Variants in POMT1 observed in about 807,000 individuals in gnomAD.
The protein encoded by POMT1 is protein O-mannosyl-transferase 1.
Under a neutral mutation model 101.6 loss-of-function variants are expected in POMT1, and 85 were observed. The observed-to-expected ratio is 0.84, with a 90% confidence interval of 0.70 to 1.00. The LOEUF (loss-of-function observed/expected upper bound fraction) is 1.00, where lower values mean the gene tolerates loss of function less well. Ranked by LOEUF, POMT1 falls within the 50% of genes least tolerant of loss-of-function variation. POMT1 has a pLI of 0.00. For missense variants in POMT1, 857 were observed against 930.4 expected, an observed-to-expected ratio of 0.92 and a Z score of 1.03; for synonymous variants, 371 against 383.0, an observed-to-expected ratio of 0.97 and a Z score of 0.37.
intron 10 of POMT1, 130 bp from the exon 11 acceptor site, chr9:131,511,911 A>G (rs1947194328): frequency 3.4e-6 from 3 of 870,424 alleles, no homozygotes; most frequent in African/African-American, 1.6e-5. Flanking sequence ...GGGTCTCACT[A>G]TGTTGCCCAG....
In POMT1 at chr9:131,520,142, G is replaced by A. The variant is rs757830349; in HGVS notation, c.1647G>A (p.Glu549=). 2.1e-5 allele frequency: 34 copies of A among 1,613,754 alleles called. No individual in the cohort carries two copies. The highest frequency in any genetic ancestry group is 3.3e-4 in the Middle Eastern group (2 of 6,084). ...SEHKYSSSPL[E]WVTLDTNIAY... is the part of the protein sequence containing the mutation. ...ACAAGTACAGCTCCAGCCCACTGGAGTGGGTCACCCTGGACACCAATATTG... is the reference window on the plus strand; with the variant it reads ...ACAAGTACAGCTCCAGCCCACTGGAATGGGTCACCCTGGACACCAATATTG... Residue 549 remains glutamate, a synonymous_variant, in exon 17 of 20, where the codon GAG becomes GAA. Coordinates refer to ENST00000402686, the MANE Select transcript of POMT1 (RefSeq NM_001077365.2).
chr9:131,523,481 A>C lies in POMT1; in HGVS notation c.*375A>C. 3.0e-6 allele frequency: 1 copy of C among 327,964 alleles called. No homozygotes were observed. Among genetic ancestry groups the C allele is most frequent in the South Asian group, 2.6e-5 (1 of 38,022 alleles). The allele number at this position is 327,964 out of a possible 1,614,324, so 20.3% of individuals were successfully genotyped here. A position where few individuals can be genotyped will look rare whatever the true frequency, so the allele number is the denominator to read the frequency against. On this transcript the variant is annotated 3_prime_UTR_variant, in exon 20 of 20. Coordinates refer to ENST00000402686, the MANE Select transcript of POMT1 (RefSeq NM_001077365.2). Reference sequence around the variant, plus strand: ...GCTGCAGGGTGGAGTTTGATCTGGCAGACCCGATCCTCCTTCATGAACACC... The same window carrying C: ...GCTGCAGGGTGGAGTTTGATCTGGCCGACCCGATCCTCCTTCATGAACACC...
intron 11 of POMT1, among the ~76,000 whole-genome samples, chr9:131,512,872 A>G (rs1002599385): frequency 6.6e-6 from 1 of 152,250 alleles, no homozygotes; most frequent in Admixed American, 6.5e-5. Flanking sequence ...TCAGCCTCCC[A>G]AAGTGCTGGG....
At chr9:131,514,745 C>T (rs1440968749) in intron 12 of POMT1, among the ~76,000 whole-genome samples, 1 of 152,194 alleles carries the variant, frequency 6.6e-6, no homozygotes, top group African/African-American at 2.4e-5. Context: ...CATTTGAGGT[C>T]AGGAGTTGGA....
chr9:131,504,293 G>A lies in POMT1; in HGVS notation c.75G>A (p.Met25Ile), dbSNP rs199525047. 4 of 1,614,212 alleles carry A rather than the reference G, an allele frequency of 2.5e-6. No individual in the cohort carries two copies. In the South Asian group the frequency reaches 3.3e-5, roughly 13 times the overall value. ...TGAGCCTTGTGGCCCTGACTGGGATGGGGTTACTGAGCCGGCTGTGGCGAC... is the reference window on the plus strand; with the variant it reads ...TGAGCCTTGTGGCCCTGACTGGGATAGGGTTACTGAGCCGGCTGTGGCGAC... ...INLSLVALTG[M>I]GLLSRLWRLT... is the part of the protein sequence containing the mutation. The change falls in exon 2 of 20, where the codon ATG becomes ATA. Residue 25 changes from methionine (M) to isoleucine (I), a missense_variant. Met to Ile is a conservative substitution (Grantham distance 10). Transcript: ENST00000402686.
At position 131,508,921 on chromosome 9, in the gene POMT1, C is replaced by T. The variant is rs1564341810; in HGVS notation, c.438C>T (p.Leu146=). The T allele has an allele frequency of 1.2e-6, 2 of 1,610,802 alleles. No homozygotes were observed. The highest frequency in any genetic ancestry group is 1.7e-6 in the Non-Finnish European group (2 of 1,176,962). ...AALLMLIENA[L]ITQSRLMLLE... ...TCCTCTTTGAAACAGAGAATGCTCT[C>T]ATCACTCAGTCAAGGCTAATGCTTT... Residue 146 remains leucine (L), a synonymous_variant, in exon 6 of 20, where the codon CTC becomes CTT. Transcript: ENST00000402686.
chr9:131,521,947 G>C, intron 18 of POMT1, 100 bp from the exon 19 acceptor site: 1 of 1,584,340 alleles, frequency 6.3e-7, no homozygotes. Context: ...AACCAGCCTG[G>C]GCAACATAGT....
chr9:131,522,644 G>A lies in POMT1; in HGVS notation c.2004-288G>A, dbSNP rs894539153. 27 of 559,486 alleles carry A rather than the reference G, an allele frequency of 4.8e-5. No homozygotes were observed. The highest frequency in any genetic ancestry group is 7.7e-5 in the Non-Finnish European group (24 of 311,878). The allele number at this position is 559,486 out of a possible 1,614,324, so 34.7% of individuals were successfully genotyped here. On this transcript the variant is annotated intron_variant, in intron 19 of 19. Coordinates refer to ENST00000402686, the MANE Select transcript of POMT1 (RefSeq NM_001077365.2). The surrounding 1 kb of genome is among the most constrained non-coding windows in gnomAD (Gnocchi z 5.5). Reference sequence around the variant, plus strand: ...TTGGAGCAGAGGGCGAGGGCCTCCCGGTTTCAGGAAGCCACACAAGGGAGG... The same window carrying A: ...TTGGAGCAGAGGGCGAGGGCCTCCCAGTTTCAGGAAGCCACACAAGGGAGG...
chr9:131,505,051 C>T (rs1414609236), intron 2 of POMT1, among the ~76,000 whole-genome samples: 2 of 149,844 alleles, frequency 1.3e-5, no homozygotes, highest in Admixed American at 1.3e-4. Flanking sequence ...GTTAGGATTA[C>T]AGGCGTGAGC....
intron 13 of POMT1, among the ~76,000 whole-genome samples, chr9:131,517,678 C>G (rs984883326): frequency 2.0e-5 from 3 of 152,238 alleles, no homozygotes; most frequent in African/African-American, 7.2e-5. Flanking sequence ...CCCGCCCCCC[C>G]ACAGTCCTTC....
intron 13 of POMT1, among the ~76,000 whole-genome samples, chr9:131,517,827 C>T (rs528338336): frequency 7.5e-4 from 115 of 152,332 alleles, no homozygotes; most frequent in Non-Finnish European, 1.5e-3. Flanking sequence ...GAGGTGTGCG[C>T]GCCCGGCCTG....
chr9:131,510,023 G>C, intron 8 of POMT1, 27 bp downstream of exon 8: 1 of 1,614,218 alleles, frequency 6.2e-7, no homozygotes, highest in Non-Finnish European at 8.5e-7. Flanking sequence ...AGTGCTGCAT[G>C]AGGCCGGCCT....
chr9:131,520,866 G>A lies in POMT1; in HGVS notation c.1699-480G>A, dbSNP rs527622931. 7.9e-5 allele frequency among the ~76,000 whole-genome samples: 12 copies of A among 152,142 alleles called. 1 individual carries two copies. Among genetic ancestry groups the A allele is most frequent in the Admixed American group, 4.6e-4 (7 of 15,268 alleles). On this transcript the variant is annotated intron_variant, in intron 17 of 19. Coordinates refer to ENST00000402686, the MANE Select transcript of POMT1 (RefSeq NM_001077365.2). ...GTATGTGAGAGAGAAAGAGAGAGAC[G>A]GAGTCTTGCTCTGTCATCCAGGCTG... is the stretch of plus-strand genomic sequence containing the variant.
rs757903559 is a variant in POMT1 at position 131,506,188 on chromosome 9, C to T, written c.197C>T (p.Pro66Leu). ...ATCTTCTTCTTGGATGACAGTGGGC[C>T]GCCATTTGGCCACATGGTGCTGGCC... ...KQIFFLDDSG[P>L]PFGHMVLALG... Residue 66 changes from proline (P) to leucine (L), a missense_variant, in exon 3 of 20, where the codon CCG (proline) becomes CTG (leucine). By Grantham distance (98) the Pro-to-Leu change is moderately conservative. Coordinates refer to ENST00000402686, the MANE Select transcript of POMT1 (RefSeq NM_001077365.2). 60 of 1,614,004 alleles carry T rather than the reference C, an allele frequency of 3.7e-5. No homozygotes were observed. The highest frequency in any genetic ancestry group is 2.2e-4 in the East Asian group (10 of 44,902).
intron 5 of POMT1, among the ~76,000 whole-genome samples, chr9:131,508,689 A>T (rs1259778303): frequency 6.6e-6 from 1 of 152,220 alleles, no homozygotes; most frequent in Non-Finnish European, 1.5e-5. Flanking sequence ...ACAGAGCAAG[A>T]CCCTGACTCA....
In POMT1 at chr9:131,509,782, A is replaced by G. The variant is rs775408856; in HGVS notation, c.579A>G (p.Thr193=). 11 of 1,614,118 alleles carry G rather than the reference A, an allele frequency of 6.8e-6. No homozygotes were observed. The South Asian group carries it at 1.1e-4, about 16-fold the overall frequency. ...SLSWWFWLTL[T]GVACSCAVGI... is the part of the protein sequence containing the mutation. Reference sequence around the variant, plus strand: ...GCTGGTGGTTCTGGCTAACACTGACAGGGGTCGCTTGTTCCTGTGCAGTGG... The same window carrying G: ...GCTGGTGGTTCTGGCTAACACTGACGGGGGTCGCTTGTTCCTGTGCAGTGG... The change falls in exon 7 of 20, where the codon ACA becomes ACG. Residue 193 remains threonine (T), a synonymous_variant. Transcript: ENST00000402686.
intron 13 of POMT1, among the ~76,000 whole-genome samples, chr9:131,517,851 G>A (rs972145771): frequency 3.3e-5 from 5 of 152,228 alleles, no homozygotes; most frequent in Non-Finnish European, 7.3e-5. Flanking sequence ...CATGGACCGC[G>A]GCCAGGCCTC....
At chr9:131,515,607 C>A (rs917541708) in intron 13 of POMT1, 85 bp downstream of exon 13, 13 of 1,265,498 alleles carry the variant, frequency 1.0e-5, no homozygotes, top group African/African-American at 1.5e-5. Flanking sequence ...CGGAGCACTC[C>A]CTAACACAGA....
In POMT1 at chr9:131,519,010, A is replaced by G. The variant is rs1048251688; in HGVS notation, c.1486+53A>G. The G allele has an allele frequency of 4.3e-6, 7 of 1,609,544 alleles. No individual in the cohort carries two copies. Among genetic ancestry groups the G allele is most frequent in the Non-Finnish European group, 5.1e-6 (6 of 1,179,720 alleles). ...TCCTGGAATGTACTTTCAGCTGCTC[A>G]ATATTTGATAACACCCCAGAGTTCT... On this transcript the variant is annotated intron_variant, in intron 15 of 19. Transcript: ENST00000402686. The surrounding 1 kb of genome is among the most constrained non-coding windows in gnomAD (Gnocchi z 4.3).
Sources: gnomAD v4.1 joint callset for allele counts (sites outside exome capture counted in the v4.1 genomes callset) on GRCh38, gnomAD v4.1.1 for gene constraint, Gnocchi (gnomAD v3.1) non-coding constraint, MANE v1.5 for transcripts, NCBI Gene and HGNC (gene_info 2026-07-23, HGNC 2026-07-21) for gene names.